MS4A13: variants seen among roughly 807,000 people sequenced by gnomAD.
The protein encoded by MS4A13 is membrane-spanning 4-domains subfamily A member 13.
Under a neutral mutation model 18.4 loss-of-function variants are expected in MS4A13, and 21 were observed. The ratio of observed to expected loss-of-function variants is 1.14; its 90% CI spans 0.81 to 1.64. MS4A13 has a LOEUF of 1.64. Among genes scored for constraint, MS4A13 ranks in the 40% most tolerant of loss-of-function variants. The probability of loss-of-function intolerance (pLI) is 0.00; values close to 1 mark genes in which losing one functional copy is unlikely to be tolerated. For synonymous variants in MS4A13, 62 were observed against 57.2 expected (o/e 1.08, Z -0.38); for missense variants, 173 against 176.8 (o/e 0.98, Z 0.12).
intron 6 of MS4A13, among the ~76,000 whole-genome samples, chr11:60,535,401 C>T (rs376281845): frequency 6.5e-5 from 8 of 122,734 alleles, no homozygotes; most frequent in African/African-American, 1.3e-4. Context: ...AACACCTCTA[C>T]GCAAATAAAC....
Position 60,525,311 on chromosome 11 carries a change from G to A in MS4A13, c.291G>A (p.Arg97=). ...CTCATTTTAATTCTGTGTCATACAG[G>A]AATTATGGACAAGCAGTAAGTGACC... ...ELSHFNSVSY[R]NYGQAKLGRE... is the part of the protein sequence containing the mutation. Residue 97 remains arginine, a synonymous_variant, in exon 5 of 7, where the codon AGG becomes AGA. Coordinates refer to ENST00000378186, the MANE Select transcript of MS4A13 (RefSeq NM_001012417.3). The A allele has an allele frequency of 6.3e-7, 1 of 1,586,608 alleles. No homozygotes were observed. The highest frequency in any genetic ancestry group is 8.6e-7 in the Non-Finnish European group (1 of 1,161,536).
At position 60,517,184 on chromosome 11, in the gene MS4A13, TA is replaced by T. The variant is rs79895665; in HGVS notation, c.-12-878del. ...CGTTACCAAAAAAGAGACTTTTTCT[TA>T]AAAAAAAAACAAAACTTCTCCAAAA... On this transcript the variant is annotated intron_variant, in intron 2 of 6. Transcript: ENST00000378186. 5.2e-3 allele frequency among the ~76,000 whole-genome samples: 771 copies of T among 148,584 alleles called. 13 individuals carry two copies. The highest frequency in any genetic ancestry group is 0.025 in the Admixed American group (377 of 14,910).
intron 5 of MS4A13, among the ~76,000 whole-genome samples, chr11:60,527,388 C>CTGTGTGTGTGTGTG (rs2086723220): frequency 1.6e-5 from 2 of 127,558 alleles, no homozygotes; most frequent in African/African-American, 3.3e-5. Context: ...CTCTCTCTCT[C>CTGTGTGTGTGTGTG]TCTCTCTCTC....
Position 60,523,946 on chromosome 11 carries a change from G to A in MS4A13, c.179G>A (p.Arg60Gln), listed in dbSNP as rs140128891. Reference protein sequence around the residue: ...FLIRVTKYPTRSGIISTLIIN... With the variant: ...FLIRVTKYPTQSGIISTLIIN... Reference sequence around the variant, plus strand: ...ATAAGAGTAACAAAGTATCCGACTCGATCTGGAGTAAGTTGAAATGTTTGA... The same window carrying A: ...ATAAGAGTAACAAAGTATCCGACTCAATCTGGAGTAAGTTGAAATGTTTGA... The change falls in exon 4 of 7, where the codon CGA becomes CAA. Residue 60 changes from arginine (R) to glutamine (Q), a missense_variant. Transcript: ENST00000378186. The A allele has an allele frequency of 1.1e-4, 167 of 1,526,062 alleles. No individual in the cohort carries two copies. The highest frequency in any genetic ancestry group is 1.5e-4 in the Non-Finnish European group (164 of 1,101,252). The allele number at this position is 1,526,062 out of a possible 1,614,324, so 94.5% of individuals were successfully genotyped here.
intron 6 of MS4A13, among the ~76,000 whole-genome samples, chr11:60,541,266 T>C (rs1298183592): frequency 3.3e-5 from 5 of 152,234 alleles, no homozygotes; most frequent in Admixed American, 3.3e-4. Context: ...ATTTAAGTCT[T>C]TGGTATATAA....
At chr11:60,520,170 G>A (rs1426666523) in intron 3 of MS4A13, among the ~76,000 whole-genome samples, 3 of 152,162 alleles carry the variant, frequency 2.0e-5, no homozygotes, top group Non-Finnish European at 2.9e-5. Flanking sequence ...ATGAGGCTGG[G>A]GGGGTGGCGA....
intron 3 of MS4A13, among the ~76,000 whole-genome samples, chr11:60,518,476 G>A (rs900738975): frequency 1.3e-5 from 2 of 152,098 alleles, no homozygotes; most frequent in African/African-American, 4.8e-5. Context: ...ATATGTGAAA[G>A]GCAAAGAATC....
chr11:60,518,599 C>G (rs1184938119), intron 3 of MS4A13, among the ~76,000 whole-genome samples: 2 of 152,186 alleles, frequency 1.3e-5, no homozygotes, highest in Non-Finnish European at 2.9e-5. Context: ...CTAACACTCT[C>G]CTGTGGTTTC....
At chr11:60,523,075 T>C (rs1416147620) in intron 3 of MS4A13, among the ~76,000 whole-genome samples, 1 of 152,190 alleles carries the variant, frequency 6.6e-6, no homozygotes, top group East Asian at 1.9e-4. Context: ...AATTCTGAGC[T>C]AGTTCTTACG....
intron 6 of MS4A13, among the ~76,000 whole-genome samples, chr11:60,529,812 T>C (rs2086751394): frequency 6.6e-6 from 1 of 152,246 alleles, no homozygotes; most frequent in Non-Finnish European, 1.5e-5. Flanking sequence ...CATTCATTTT[T>C]TGCAATGATT....
intron 6 of MS4A13, among the ~76,000 whole-genome samples, chr11:60,531,760 T>A (rs993591471): frequency 6.6e-6 from 1 of 152,240 alleles, no homozygotes; most frequent in Non-Finnish European, 1.5e-5. Context: ...TTTCACATGG[T>A]CTTCTCTTTA....
intron 2 of MS4A13, among the ~76,000 whole-genome samples, chr11:60,517,839 T>C (rs1298444376): frequency 6.6e-6 from 1 of 152,172 alleles, no homozygotes; most frequent in East Asian, 1.9e-4. Context: ...CCAGAGCTAC[T>C]ATTATTGAAC....
chr11:60,527,282 G>A (rs2086719666), intron 5 of MS4A13, among the ~76,000 whole-genome samples: 2 of 150,570 alleles, frequency 1.3e-5, no homozygotes. Context: ...TTGACTTAAG[G>A]CAAAAAGGGT....
At chr11:60,530,380 C>T (rs138261293) in intron 6 of MS4A13, among the ~76,000 whole-genome samples, 206 of 152,244 alleles carry the variant, frequency 1.4e-3, no homozygotes, top group African/African-American at 4.5e-3. Context: ...GTAGGATGGT[C>T]AAGGAAGACT....
intron 6 of MS4A13, among the ~76,000 whole-genome samples, chr11:60,532,048 A>G (rs1479520386): frequency 1.3e-5 from 2 of 152,226 alleles, no homozygotes; most frequent in Non-Finnish European, 2.9e-5. Context: ...TGCAAATAAT[A>G]ATAGTTACCC....
At position 60,538,587 on chromosome 11, in the gene MS4A13, A is replaced by T. The variant is rs1029676133; in HGVS notation, c.403-3932A>T. On this transcript the variant is annotated intron_variant, in intron 6 of 6. Coordinates refer to ENST00000378186, the MANE Select transcript of MS4A13 (RefSeq NM_001012417.3). ...AATAAAATTTTAAGAAATAAAAATA[A>T]AAAAAAAAATTGCAGGGACAGTACA... Among the ~76,000 whole-genome samples, 33 of 39,828 alleles carry T rather than the reference A, an allele frequency of 8.3e-4. No homozygotes were observed. The East Asian group carries it at 0.015, about 19-fold the overall frequency. 26.1% of individuals were successfully genotyped at this position (39,828 alleles called of 152,430 possible).
downstream of MS4A13, chr11:60,542,812 G>A (rs1367638711): frequency 1.2e-5 from 4 of 324,716 alleles, no homozygotes; most frequent in Admixed American, 1.3e-4. Context: ...ATCTAGGTAC[G>A]CTGAATAGCT....
intron 5 of MS4A13, among the ~76,000 whole-genome samples, chr11:60,527,450 G>A (rs1032716747): frequency 8.2e-5 from 12 of 146,352 alleles, no homozygotes; most frequent in Middle Eastern, 3.5e-3. Flanking sequence ...GTGTGTTTCC[G>A]TTTCCTCAGT....
intron 3 of MS4A13, among the ~76,000 whole-genome samples, chr11:60,519,026 A>C (rs2086656534): frequency 6.6e-6 from 1 of 152,198 alleles, no homozygotes; most frequent in Admixed American, 6.5e-5. Flanking sequence ...ACTGAACCAA[A>C]AGAAAGAAAA....
Sources: allele counts gnomAD v4.1 joint callset (sites outside exome capture counted in the v4.1 genomes callset), GRCh38; gene constraint gnomAD v4.1.1; transcripts MANE v1.5; gene names NCBI Gene and HGNC (gene_info 2026-07-23, HGNC 2026-07-21).